Variants in MYH15 observed in about 807,000 individuals in gnomAD.
The protein encoded by MYH15 is myosin heavy chain 15, also known as myosin-15.
Under a neutral mutation model 240.5 loss-of-function variants are expected in MYH15, and 227 were observed. That is an observed-to-expected ratio of 0.94 (90% CI 0.85 to 1.05). The LOEUF (loss-of-function observed/expected upper bound fraction) is 1.05, where lower values mean the gene tolerates loss of function less well. MYH15 is among the 50% of genes least tolerant of loss of function. The pLI, the probability that MYH15 is intolerant of heterozygous loss-of-function variation, is 0.00. For synonymous variants in MYH15, 785 were observed against 796.7 expected (o/e 0.99, Z 0.25); for missense variants, 2,217 against 2,247.5 (o/e 0.99, Z 0.27).
chr3:108,547,853 T>C, the MYH15 span, among the ~76,000 whole-genome samples: 2 of 152,132 alleles, frequency 1.3e-5, no homozygotes, highest in Non-Finnish European at 2.9e-5. Flanking sequence ...CAGATGCAAG[T>C]TGGAAGAGAA....
chr3:108,532,407 C>G (rs1290375763), upstream of MYH15, among the ~76,000 whole-genome samples: 3 of 152,142 alleles, frequency 2.0e-5, no homozygotes, highest in African/African-American at 7.2e-5. Context: ...GGACATCAGT[C>G]TTTTCTGGTC....
intron 26 of MYH15, among the ~76,000 whole-genome samples, chr3:108,429,763 T>C (rs2082762064): frequency 1.3e-5 from 2 of 152,214 alleles, no homozygotes; most frequent in South Asian, 4.1e-4. Context: ...TTCTAGATTA[T>C]ATCAAATAAG....
intron 16 of MYH15, 105 bp downstream of exon 16, chr3:108,463,006 G>T: frequency 7.6e-7 from 1 of 1,321,030 alleles, no homozygotes. Context: ...AGACCACAGG[G>T]AGCAGAAACA....
chr3:108,414,031 A>G (rs1221152056), intron 30 of MYH15, among the ~76,000 whole-genome samples: 2 of 152,076 alleles, frequency 1.3e-5, no homozygotes, highest in East Asian at 3.8e-4. Context: ...GTCACTTTGT[A>G]TTATACTTTT....
At chr3:108,454,217 A>T in intron 20 of MYH15, 75 bp from the exon 21 acceptor site, 1 of 1,378,986 alleles carries the variant, frequency 7.3e-7, no homozygotes, top group Non-Finnish European at 9.9e-7. Context: ...TCCTGTGAGC[A>T]ACTGTTGTGT....
At chr3:108,520,713 A>G (rs1041678202) in intron 1 of MYH15, among the ~76,000 whole-genome samples, 55 of 152,284 alleles carry the variant, frequency 3.6e-4, no homozygotes, top group Admixed American at 1.4e-3. Flanking sequence ...GGTGGCATCA[A>G]TTTTGGAGTC....
intron 30 of MYH15, among the ~76,000 whole-genome samples, chr3:108,412,772 A>C (rs962392471): frequency 6.6e-6 from 1 of 152,224 alleles, no homozygotes; most frequent in African/African-American, 2.4e-5. Context: ...TGAGTCTGCT[A>C]AACTAACTCA....
At chr3:108,417,840 AAC>A (rs1309578930) in intron 28 of MYH15, among the ~76,000 whole-genome samples, 7 of 151,332 alleles carry the variant, frequency 4.6e-5, no homozygotes, top group Admixed American at 1.3e-4. Context: ...TACACACTTA[AAC>A]ACACACATAT....
chr3:108,458,344 G>A (rs1405597231), intron 18 of MYH15, among the ~76,000 whole-genome samples: 1 of 152,184 alleles, frequency 6.6e-6, no homozygotes, highest in Non-Finnish European at 1.5e-5. Flanking sequence ...AAACCCAGCT[G>A]ATAGGAAACA....
rs1398525779 is a variant in MYH15, at chr3:108,444,567, G to T, written c.2655+73C>A. The T allele has an allele frequency of 2.0e-5, 30 of 1,529,530 alleles. No individual in the cohort carries two copies. The Admixed American group carries it at 3.3e-4, about 17-fold the overall frequency. The allele number at this position is 1,529,530 out of a possible 1,614,324, so 94.7% of individuals were successfully genotyped here. A position where few individuals can be genotyped will look rare whatever the true frequency, so the allele number is the denominator to read the frequency against. On this transcript the variant is annotated intron_variant, in intron 22 of 40. Transcript: ENST00000693548. ...CATGCATCTATTTTTTTGTTTCCGT[G>T]TCAACACTGCCTGCTTAACAAGGGA... is the stretch of plus-strand genomic sequence containing the variant.
At chr3:108,483,144 G>A (rs1218352933) in intron 11 of MYH15, among the ~76,000 whole-genome samples, 1 of 149,796 alleles carries the variant, frequency 6.7e-6, no homozygotes, top group Non-Finnish European at 1.5e-5. Context: ...AAGTTGCAGT[G>A]AGCTGATATT....
intron 32 of MYH15, 110 bp downstream of exon 32, chr3:108,408,170 G>T (rs1257395575): frequency 7.9e-7 from 1 of 1,265,108 alleles, no homozygotes. Flanking sequence ...CTAGCATATA[G>T]TAAATAAACA....
intron 39 of MYH15, among the ~76,000 whole-genome samples, chr3:108,384,453 T>G (rs573273552): frequency 2.0e-5 from 3 of 152,298 alleles, no homozygotes; most frequent in African/African-American, 7.2e-5. Context: ...GTGTACCTGT[T>G]TGGGTGCAAC....
chr3:108,534,243 C>T (rs1343364359), upstream of MYH15, among the ~76,000 whole-genome samples: 1 of 152,064 alleles, frequency 6.6e-6, no homozygotes, highest in Non-Finnish European at 1.5e-5. Context: ...CAGAAAACTC[C>T]AATTGCATAT....
chr3:108,486,480 G>T lies in MYH15; in HGVS notation c.918C>A (p.Ser306=). 6.2e-7 allele frequency: 1 copy of T among 1,612,804 alleles called. No individual in the cohort carries two copies. The highest frequency in any genetic ancestry group is 8.5e-7 in the Non-Finnish European group (1 of 1,179,084). Residue 306 remains serine (S), a synonymous_variant, in exon 10 of 41, where the codon TCC becomes TCA. Transcript: ENST00000693548. The part of the protein sequence containing the change: ...SANPSDFHFC[S]CGAVTVESLD... ...AGCTCTCCACAGTAACTGCTCCACA[G>T]GAGCAAAAGTGGAAGTCTGAGGGAT... is the stretch of plus-strand genomic sequence containing the variant.
At chr3:108,440,285 G>C (rs941460753) in intron 23 of MYH15, among the ~76,000 whole-genome samples, 1 of 152,098 alleles carries the variant, frequency 6.6e-6, no homozygotes, top group Non-Finnish European at 1.5e-5. Context: ...AGGAGTCATG[G>C]CATGTACTGA....
At chr3:108,538,864 A>G in the MYH15 span, among the ~76,000 whole-genome samples, 1 of 152,178 alleles carries the variant, frequency 6.6e-6, no homozygotes, top group African/African-American at 2.4e-5. Context: ...CAAGGAAACC[A>G]CATCCCGTGA....
intron 33 of MYH15, among the ~76,000 whole-genome samples, chr3:108,402,118 GA>G (rs1403087417): frequency 1.4e-5 from 2 of 138,914 alleles, no homozygotes; most frequent in Admixed American, 1.4e-4. Context: ...AGAAATAAGA[GA>G]TTTTTTTTTC....
chr3:108,502,536 T>C (rs1192612041), intron 2 of MYH15, among the ~76,000 whole-genome samples: 1 of 152,154 alleles, frequency 6.6e-6, no homozygotes, highest in Admixed American at 6.5e-5. Flanking sequence ...ACTATAGTTA[T>C]TAAATATAGT....
Sources: gnomAD v4.1 joint callset for allele counts (sites outside exome capture counted in the v4.1 genomes callset) on GRCh38, gnomAD v4.1.1 for gene constraint, MANE v1.5 for transcripts, NCBI Gene and HGNC (gene_info 2026-07-23, HGNC 2026-07-21) for gene names.